CPEB3: variants seen among roughly 807,000 people sequenced by gnomAD.
The protein encoded by CPEB3 is cytoplasmic polyadenylation element binding protein 3, also known as cytoplasmic polyadenylation element-binding protein 3.
Under a neutral mutation model 67.2 loss-of-function variants are expected in CPEB3, and 20 were observed. That is an observed-to-expected ratio of 0.30 (90% CI 0.21 to 0.43). CPEB3 has a LOEUF of 0.43. Among genes scored for constraint, CPEB3 ranks in the 20% least tolerant of loss-of-function variants. CPEB3 has a pLI of 1.00. For synonymous variants in CPEB3, 376 were observed against 393.1 expected (o/e 0.96, Z 0.51); for missense variants, 746 against 968.6 (o/e 0.77, Z 3.05).
intron 9 of CPEB3, among the ~76,000 whole-genome samples, chr10:92,074,176 C>G (rs1365787750): frequency 6.6e-6 from 1 of 151,992 alleles, no homozygotes; most frequent in African/African-American, 2.4e-5. Context: ...AAACTCCTGG[C>G]CTCAAGCAGT....
intron 3 of CPEB3, among the ~76,000 whole-genome samples, chr10:92,188,469 C>A (rs1437086430): frequency 6.6e-6 from 1 of 151,904 alleles, no homozygotes; most frequent in Admixed American, 6.6e-5. Context: ...TGCCTGTAAT[C>A]CCAGCACTTT....
chr10:92,232,394 TATAAAAA>T (rs1265297467), intron 2 of CPEB3, among the ~76,000 whole-genome samples: 2 of 151,734 alleles, frequency 1.3e-5, no homozygotes, highest in East Asian at 3.9e-4. Context: ...ATCAAAACAC[TATAAAAA>T]ATCAACTTAG....
chr10:92,210,608 C>T (rs1242947548), intron 2 of CPEB3, among the ~76,000 whole-genome samples: 1 of 152,182 alleles, frequency 6.6e-6, no homozygotes, highest in Non-Finnish European at 1.5e-5. Context: ...ATTGAACAAT[C>T]TGTAGTCTCT....
In CPEB3 at chr10:92,290,220, C is replaced by T. The variant is rs189768071; in HGVS notation, c.-12+706G>A. ...CTACCAATCACAGCCCTAGAGAAAACGCCACAGGTCGTCCAAAAAACGCAT... is the reference window on the plus strand; with the variant it reads ...CTACCAATCACAGCCCTAGAGAAAATGCCACAGGTCGTCCAAAAAACGCAT... On this transcript the variant is annotated intron_variant, in intron 1 of 9. Transcript: ENST00000265997. Among the ~76,000 whole-genome samples the T allele has an allele frequency of 1.8e-3, 274 of 152,180 alleles. 1 individual carries two copies. Among genetic ancestry groups the T allele is most frequent in the African/African-American group, 6.4e-3 (266 of 41,512 alleles).
Position 92,048,115 on chromosome 10 carries a change from C to CGACA in CPEB3, c.*4093_*4096dup, listed in dbSNP as rs1852163273. 6.6e-6 allele frequency: 1 copy of CGACA among 152,346 alleles called. No homozygotes were observed. Among genetic ancestry groups the CGACA allele is most frequent in the Non-Finnish European group, 1.5e-5 (1 of 68,076 alleles). The allele number at this position is 152,346 out of a possible 1,614,324, so 9.4% of individuals were successfully genotyped here. ...CATGGGTGTGGAGGAAGATGCAACC[C>CGACA]GACACATAGTCAGGGTCCACAGACA... On this transcript the variant is annotated 3_prime_UTR_variant, in exon 10 of 10. Coordinates refer to ENST00000265997, the MANE Select transcript of CPEB3 (RefSeq NM_014912.5). This position sits in a 1 kb window ranked among gnomAD's most constrained non-coding sequence, Gnocchi z 4.1.
intron 1 of CPEB3, among the ~76,000 whole-genome samples, chr10:92,242,514 T>C (rs879199652): frequency 6.6e-6 from 1 of 152,244 alleles, no homozygotes; most frequent in Non-Finnish European, 1.5e-5. Flanking sequence ...AGTAAACCAT[T>C]ATAATCTGAG....
At chr10:92,216,139 T>C (rs1458284888) in intron 2 of CPEB3, among the ~76,000 whole-genome samples, 1 of 150,190 alleles carries the variant, frequency 6.7e-6, no homozygotes, top group African/African-American at 2.4e-5. Flanking sequence ...ATCATTTAAA[T>C]ATATATATAT....
At chr10:92,116,046 A>T (rs1845007358) in intron 6 of CPEB3, among the ~76,000 whole-genome samples, 1 of 151,326 alleles carries the variant, frequency 6.6e-6, no homozygotes, top group South Asian at 2.1e-4. Flanking sequence ...AGATGGGTTA[A>T]TTGAGGAGGC....
At chr10:92,271,889 C>T (rs567578219) in intron 1 of CPEB3, among the ~76,000 whole-genome samples, 29 of 152,192 alleles carry the variant, frequency 1.9e-4, no homozygotes, top group Admixed American at 1.6e-3. Flanking sequence ...ATGGTGATTT[C>T]GTATTTTTAT....
At chr10:92,119,653 G>A (rs1201504256) in intron 6 of CPEB3, among the ~76,000 whole-genome samples, 1 of 152,158 alleles carries the variant, frequency 6.6e-6, no homozygotes, top group African/African-American at 2.4e-5. Flanking sequence ...AAGAAGAGAG[G>A]TGAGGGTGGA....
chr10:92,109,913 G>A (rs1412818447), intron 7 of CPEB3, among the ~76,000 whole-genome samples: 1 of 152,058 alleles, frequency 6.6e-6, no homozygotes, highest in East Asian at 1.9e-4. Context: ...TTGCTCTATT[G>A]AATCCTATGT....
At chr10:92,141,329 T>C (rs1846407079) in intron 6 of CPEB3, among the ~76,000 whole-genome samples, 1 of 151,760 alleles carries the variant, frequency 6.6e-6, no homozygotes, top group African/African-American at 2.4e-5. Context: ...ATGTCCTTTG[T>C]AGGGACATGG....
intron 7 of CPEB3, among the ~76,000 whole-genome samples, chr10:92,101,769 G>A (rs1358442699): frequency 2.0e-5 from 3 of 152,122 alleles, no homozygotes; most frequent in East Asian, 1.9e-4. Flanking sequence ...TTAGCTGGGC[G>A]TGGTGGTATG....
rs1381474638 is a variant in CPEB3, at chr10:92,131,244, C to T, written c.1453+11785G>A. Among the ~76,000 whole-genome samples, 3 of 152,150 alleles carry T rather than the reference C, an allele frequency of 2.0e-5. No individual in the cohort carries two copies. In the East Asian group the frequency reaches 5.8e-4, roughly 29 times the overall value. On this transcript the variant is annotated intron_variant, in intron 6 of 9. Coordinates refer to ENST00000265997, the MANE Select transcript of CPEB3 (RefSeq NM_014912.5). ...CTCACTGGTCCATCTCAACACCTAACCTCAGCTATAAAATGAGGGCACCAG... is the reference window on the plus strand; with the variant it reads ...CTCACTGGTCCATCTCAACACCTAATCTCAGCTATAAAATGAGGGCACCAG...
At chr10:92,177,222 TTTTG>T (rs1848259976) in intron 4 of CPEB3, among the ~76,000 whole-genome samples, 1 of 152,196 alleles carries the variant, frequency 6.6e-6, no homozygotes, top group Non-Finnish European at 1.5e-5. Flanking sequence ...CGTCGAGTGT[TTTTG>T]TTTAAAAGTA....
intron 4 of CPEB3, among the ~76,000 whole-genome samples, chr10:92,158,548 T>C (rs374390982): frequency 1.3e-5 from 2 of 152,300 alleles, no homozygotes; most frequent in African/African-American, 4.8e-5. Flanking sequence ...CTTCATAGAT[T>C]CCCCTGAAAA....
chr10:92,070,493 A>G (rs1842711561), intron 9 of CPEB3, among the ~76,000 whole-genome samples: 1 of 152,046 alleles, frequency 6.6e-6, no homozygotes. Flanking sequence ...AAATTCAGAT[A>G]TGGCCGGACA....
At chr10:92,270,559 C>CTTT (rs571582158) in intron 1 of CPEB3, among the ~76,000 whole-genome samples, 4 of 124,866 alleles carry the variant, frequency 3.2e-5, no homozygotes, top group African/African-American at 5.9e-5. Context: ...TTTTATATTA[C>CTTT]TTTTTTTTTT....
rs759804647 is a variant in CPEB3, at chr10:92,047,228, T to C, written c.*4984A>G. 2 of 151,902 alleles carry C rather than the reference T, an allele frequency of 1.3e-5. No individual in the cohort carries two copies. Among genetic ancestry groups the C allele is most frequent in the Non-Finnish European group, 1.5e-5 (1 of 68,000 alleles). 9.4% of individuals were successfully genotyped at this position (151,902 alleles called of 1,614,324 possible). On this transcript the variant is annotated 3_prime_UTR_variant, in exon 10 of 10. Coordinates refer to ENST00000265997, the MANE Select transcript of CPEB3 (RefSeq NM_014912.5). ...CACTCTGTGGTAAGATGGAACACTA[T>C]TGCAGCTGAGATAGAGAAGTTTGGT...
Sources: allele counts gnomAD v4.1 joint callset (sites outside exome capture counted in the v4.1 genomes callset), GRCh38; gene constraint gnomAD v4.1.1; non-coding constraint Gnocchi (gnomAD v3.1); transcripts MANE v1.5; gene names NCBI Gene and HGNC (gene_info 2026-07-23, HGNC 2026-07-21).